Variants in TNFSF12 observed in about 807,000 individuals in gnomAD.
TNFSF12 encodes tumor necrosis factor ligand superfamily member 12.
In TNFSF12, 16 loss-of-function variants were observed where a neutral mutation model predicts 31.2. The observed-to-expected ratio is 0.51, with a 90% CI of 0.35 to 0.78. The LOEUF (loss-of-function observed/expected upper bound fraction) is 0.78. TNFSF12 is among the 30% of genes least tolerant of loss of function. The pLI is 0.01. For synonymous variants in TNFSF12, 150 were observed against 151.4 expected (o/e 0.99, Z 0.07); for missense variants, 324 against 338.8 (o/e 0.96, Z 0.34).
Position 7,549,971 on chromosome 17 carries a change from C to A in TNFSF12, c.208-149C>A. 1.6e-6 allele frequency: 2 copies of A among 1,236,900 alleles called. No homozygotes were observed. Among genetic ancestry groups the A allele is most frequent in the South Asian group, 1.4e-5 (1 of 74,006 alleles). 76.6% of individuals were successfully genotyped at this position (1,236,900 alleles called of 1,614,324 possible). A position where few individuals can be genotyped will look rare whatever the true frequency, so the allele number is the denominator to read the frequency against. Reference sequence around the variant, plus strand: ...GGCCTGACTCCCAGCTTCACCTTTGCCCGGGGCCCCAGCTGTAGTTGGCTG... The same window carrying A: ...GGCCTGACTCCCAGCTTCACCTTTGACCGGGGCCCCAGCTGTAGTTGGCTG... On this transcript the variant is annotated intron_variant, in intron 2 of 6. Coordinates refer to ENST00000293825, the MANE Select transcript of TNFSF12 (RefSeq NM_003809.3). This position sits in a 1 kb window ranked among gnomAD's most constrained non-coding sequence, Gnocchi z 4.1.
rs1479903038 is a variant in TNFSF12, at chr17:7,557,147, G to A, written c.547G>A (p.Val183Met). Residue 183 changes from valine (V) to methionine (M), a missense_variant, in exon 7 of 7, where the codon GTG becomes ATG. Transcript: ENST00000293825. This position sits in a 1 kb window ranked among gnomAD's most constrained non-coding sequence, Gnocchi z 5.2. ...KAVYLKLDLL[V>M]DGVLALRCLE... is the part of the protein sequence containing the mutation. ...TGTCTACCTGAAGCTGGACTTGCTG[G>A]TGGATGGTGTGCTGGCCCTGCGCTG... 1 of 1,613,870 alleles carries A rather than the reference G, an allele frequency of 6.2e-7. No individual in the cohort carries two copies. Among genetic ancestry groups the A allele is most frequent in the Non-Finnish European group, 8.5e-7 (1 of 1,179,972 alleles).
rs2070969561 is a variant in TNFSF12, at chr17:7,549,212, TGCTGGTCCCGCTCGC to T, written c.65_79del (p.Val22_Leu26del). 7.4e-7 allele frequency: 1 copy of T among 1,346,066 alleles called. No individual in the cohort carries two copies. Among genetic ancestry groups the T allele is most frequent in the African/African-American group, 1.5e-5 (1 of 65,144 alleles). The allele number at this position is 1,346,066 out of a possible 1,614,324, so 83.4% of individuals were successfully genotyped here. On this transcript the variant is annotated inframe_deletion, in exon 1 of 7. Transcript: ENST00000293825. The surrounding 1 kb of genome is among the most constrained non-coding windows in gnomAD (Gnocchi z 4.1). The stretch of plus-strand genomic sequence containing the variant: ...CGCCGGGGGGAGCCGGGCACCGCCC[TGCTGGTCCCGCTCGC>T]GCTGGGCCTGGGCCTGGCGCTGGCC...
In TNFSF12 at chr17:7,557,089, C is replaced by T. The variant is rs1323154572; in HGVS notation, c.499-10C>T. On this transcript the variant is annotated splice_polypyrimidine_tract_variant and intron_variant, in intron 6 of 6. Transcript: ENST00000293825. The surrounding 1 kb of genome is among the most constrained non-coding windows in gnomAD (Gnocchi z 5.2). ...AGAGGCCTGGACTCGGCCTGTTGTC[C>T]CCACCCCAGGTGCACTTTGATGAGG... 1.9e-6 allele frequency: 3 copies of T among 1,604,760 alleles called. No individual in the cohort carries two copies. Among genetic ancestry groups the T allele is most frequent in the South Asian group, 1.1e-5 (1 of 90,586 alleles).
rs540922324 is a variant in TNFSF12 at position 7,549,884 on chromosome 17, T to C, written c.208-236T>C. The C allele has an allele frequency of 1.3e-5, 8 of 629,542 alleles. No homozygotes were observed. The South Asian group carries it at 1.6e-4, about 12-fold the overall frequency. The allele number at this position is 629,542 out of a possible 1,614,324, so 39.0% of individuals were successfully genotyped here. A position where few individuals can be genotyped will look rare whatever the true frequency, so the allele number is the denominator to read the frequency against. On this transcript the variant is annotated intron_variant, in intron 2 of 6. Transcript: ENST00000293825. This position sits in a 1 kb window ranked among gnomAD's most constrained non-coding sequence, Gnocchi z 4.1. ...CAATGTGCCAATTGAATGCAGGGTC[T>C]GCGTTGGTTGTGTGTGTGGGTGGGA... is the stretch of plus-strand genomic sequence containing the variant.
At chr17:7,552,431 G>A (rs1213924800) in intron 5 of TNFSF12, among the ~76,000 whole-genome samples, 3 of 151,382 alleles carry the variant, frequency 2.0e-5, no homozygotes, top group South Asian at 2.1e-4. Context: ...GGGTCCAAGC[G>A]ATTCTCCTGT....
Position 7,557,588 on chromosome 17 carries a change from C to T in TNFSF12, c.*238C>T. ...ACCTCACTAGCTCCCCAATCCCTGACCCTTTGAGGCCCCCAGTGATCTCGA... is the reference window on the plus strand; with the variant it reads ...ACCTCACTAGCTCCCCAATCCCTGATCCTTTGAGGCCCCCAGTGATCTCGA... On this transcript the variant is annotated 3_prime_UTR_variant, in exon 7 of 7. Transcript: ENST00000293825. The surrounding 1 kb of genome is among the most constrained non-coding windows in gnomAD (Gnocchi z 5.2). 1.8e-6 allele frequency: 1 copy of T among 556,230 alleles called. No homozygotes were observed. Among genetic ancestry groups the T allele is most frequent in the South Asian group, 2.6e-5 (1 of 38,440 alleles). 34.5% of individuals were successfully genotyped at this position (556,230 alleles called of 1,614,324 possible).
chr17:7,552,975 T>C (rs573573586), intron 5 of TNFSF12, among the ~76,000 whole-genome samples: 7 of 149,088 alleles, frequency 4.7e-5, no homozygotes, highest in Non-Finnish European at 1.0e-4. Context: ...GCAGTGTGCA[T>C]TGGGTTGAGA....
At position 7,550,010 on chromosome 17, in the gene TNFSF12, G is replaced by A; in HGVS notation, c.208-110G>A. 2 of 1,564,912 alleles carry A rather than the reference G, an allele frequency of 1.3e-6. No homozygotes were observed. Among genetic ancestry groups the A allele is most frequent in the Non-Finnish European group, 8.8e-7 (1 of 1,141,020 alleles). ...TGTAGTTGGCTGAGGGGCTTAATCT[G>A]TCCCTGACTTCTGTGTCTATTGCTG... is the stretch of plus-strand genomic sequence containing the variant. On this transcript the variant is annotated intron_variant, in intron 2 of 6. Transcript: ENST00000293825. This position sits in a 1 kb window ranked among gnomAD's most constrained non-coding sequence, Gnocchi z 4.4.
intron 5 of TNFSF12, among the ~76,000 whole-genome samples, chr17:7,555,334 G>A (rs916504655): frequency 2.0e-5 from 3 of 152,072 alleles, no homozygotes; most frequent in Admixed American, 6.6e-5. Flanking sequence ...AGAATGGTGG[G>A]TGCAAGCAGA....
At position 7,556,933 on chromosome 17, in the gene TNFSF12, A is replaced by G. The variant is rs778673107; in HGVS notation, c.498+31A>G. On this transcript the variant is annotated intron_variant, in intron 6 of 6. Transcript: ENST00000293825. ...CCCCATCTGGCTGCATGGGTAACGC[A>G]GTAAGAGAGTGGCGAAGGGTTTGCC... 3.4e-6 allele frequency: 5 copies of G among 1,469,242 alleles called. No homozygotes were observed. In the South Asian group the frequency reaches 5.2e-5, roughly 15 times the overall value. The allele number at this position is 1,469,242 out of a possible 1,614,324, so 91.0% of individuals were successfully genotyped here. A position where few individuals can be genotyped will look rare whatever the true frequency, so the allele number is the denominator to read the frequency against.
Position 7,557,674 on chromosome 17 carries a change from G to A in TNFSF12, c.*324G>A. ...TCACTGTACTCTGTGGGCAAGGATG[G>A]GTCCAGAAGACCCCACTTCAGGCAC... On this transcript the variant is annotated 3_prime_UTR_variant, in exon 7 of 7. Transcript: ENST00000293825. This position sits in a 1 kb window ranked among gnomAD's most constrained non-coding sequence, Gnocchi z 5.2. 1 of 262,092 alleles carries A rather than the reference G, an allele frequency of 3.8e-6. No individual in the cohort carries two copies. Among genetic ancestry groups the A allele is most frequent in the East Asian group, 7.4e-5 (1 of 13,466 alleles). 16.2% of individuals were successfully genotyped at this position (262,092 alleles called of 1,614,324 possible).
intron 5 of TNFSF12, among the ~76,000 whole-genome samples, chr17:7,551,528 C>T (rs1340135458): frequency 1.3e-5 from 2 of 152,176 alleles, no homozygotes; most frequent in African/African-American, 2.4e-5. Context: ...CCTAATTTCC[C>T]TGCACTCTTA....
At position 7,557,354 on chromosome 17, in the gene TNFSF12, G is replaced by A. The variant is rs747359027; in HGVS notation, c.*4G>A. ...CGGACTCTTCCAGGTTCACTGAGGG[G>A]CCCTGGTCTCCCCGCAGTCGTCCCA... On this transcript the variant is annotated 3_prime_UTR_variant, in exon 7 of 7. Transcript: ENST00000293825. The surrounding 1 kb of genome is among the most constrained non-coding windows in gnomAD (Gnocchi z 5.2). 4 of 1,584,102 alleles carry A rather than the reference G, an allele frequency of 2.5e-6. No individual in the cohort carries two copies. The highest frequency in any genetic ancestry group is 1.1e-5 in the South Asian group (1 of 88,242).
At position 7,550,320 on chromosome 17, in the gene TNFSF12, A is replaced by C; in HGVS notation, c.283+125A>C. On this transcript the variant is annotated intron_variant, in intron 3 of 6. Transcript: ENST00000293825. This position sits in a 1 kb window ranked among gnomAD's most constrained non-coding sequence, Gnocchi z 4.4. ...ATGCAGCTAACCAGCCAAGACTCAA[A>C]CCTAGGGATTCTCGCCCTCCTCTGA... 3 of 1,440,200 alleles carry C rather than the reference A, an allele frequency of 2.1e-6. No individual in the cohort carries two copies. The highest frequency in any genetic ancestry group is 2.4e-5 in the South Asian group (2 of 83,700). The allele number at this position is 1,440,200 out of a possible 1,614,324, so 89.2% of individuals were successfully genotyped here.
chr17:7,556,704 C>G, intron 5 of TNFSF12, 74 bp from the exon 6 acceptor site: 1 of 1,383,478 alleles, frequency 7.2e-7, no homozygotes, highest in Non-Finnish European at 9.4e-7. Context: ...TGTTCATATG[C>G]TCAATGGATC....
In TNFSF12 at chr17:7,549,434, GGTGGAGCGGCACAGGGTGAC is replaced by G. The variant is rs767853982; in HGVS notation, c.160-38_160-19del. On this transcript the variant is annotated intron_variant, in intron 1 of 6. Coordinates refer to ENST00000293825, the MANE Select transcript of TNFSF12 (RefSeq NM_003809.3). This position sits in a 1 kb window ranked among gnomAD's most constrained non-coding sequence, Gnocchi z 4.1. ...AGGATGGGTGGAGGGTGAGATGTCAGGTGGAGCGGCACAGGGTGACGCTCCCTCCTTCCCAGCAGGAGCCT... is the reference window on the plus strand; with the variant it reads ...AGGATGGGTGGAGGGTGAGATGTCAGGCTCCCTCCTTCCCAGCAGGAGCCT... The G allele has an allele frequency of 6.8e-7, 1 of 1,463,868 alleles. No homozygotes were observed. The highest frequency in any genetic ancestry group is 1.4e-5 in the South Asian group (1 of 73,932). The allele number at this position is 1,463,868 out of a possible 1,614,324, so 90.7% of individuals were successfully genotyped here. A position where few individuals can be genotyped will look rare whatever the true frequency, so the allele number is the denominator to read the frequency against.
In TNFSF12 at chr17:7,550,740, G is replaced by A; in HGVS notation, c.284-59G>A. 2 of 1,581,688 alleles carry A rather than the reference G, an allele frequency of 1.3e-6. No homozygotes were observed. Among genetic ancestry groups the A allele is most frequent in the Admixed American group, 3.4e-5 (2 of 58,758 alleles). The stretch of plus-strand genomic sequence containing the variant: ...CTGAGAGGGGAATGGGGCTGGGAGA[G>A]TTGCTCTGGGACCCCCACTAGGGCC... On this transcript the variant is annotated intron_variant, in intron 3 of 6. Coordinates refer to ENST00000293825, the MANE Select transcript of TNFSF12 (RefSeq NM_003809.3). This position sits in a 1 kb window ranked among gnomAD's most constrained non-coding sequence, Gnocchi z 4.4.
intron 5 of TNFSF12, among the ~76,000 whole-genome samples, chr17:7,553,359 C>G (rs2071023557): frequency 6.6e-6 from 1 of 152,050 alleles, no homozygotes. Context: ...TAGGACAACC[C>G]TTTTTAGAAG....
intron 5 of TNFSF12, among the ~76,000 whole-genome samples, chr17:7,552,574 C>T (rs2071012538): frequency 6.6e-6 from 1 of 152,074 alleles, no homozygotes; most frequent in Non-Finnish European, 1.5e-5. Flanking sequence ...GGTGATCCGC[C>T]AGCCTCAGCC....
Sources: gnomAD v4.1 joint callset for allele counts (sites outside exome capture counted in the v4.1 genomes callset) on GRCh38, gnomAD v4.1.1 for gene constraint, Gnocchi (gnomAD v3.1) non-coding constraint, MANE v1.5 for transcripts, NCBI Gene and HGNC (gene_info 2026-07-23, HGNC 2026-07-21) for gene names.